Variants in GRID1 observed in about 807,000 individuals in gnomAD.
GRID1 encodes glutamate ionotropic receptor delta type subunit 1.
GRID1 carries 28 observed loss-of-function variants against 98.0 expected under a neutral mutation model. The ratio of observed to expected loss-of-function variants is 0.29; its 90% CI spans 0.21 to 0.39. The LOEUF (loss-of-function observed/expected upper bound fraction) is 0.39. GRID1 is among the 10% of genes least tolerant of loss of function. The probability of loss-of-function intolerance (pLI) is 1.00; values close to 1 mark genes in which losing one functional copy is unlikely to be tolerated. For missense variants in GRID1, 1,111 were observed against 1,340.5 expected (o/e 0.83, Z 2.67); for synonymous variants, 553 against 538.5 (o/e 1.03, Z -0.37).
intron 2 of GRID1, among the ~76,000 whole-genome samples, chr10:86,358,959 G>A (rs1848568041): frequency 6.6e-6 from 1 of 152,018 alleles, no homozygotes; most frequent in Non-Finnish European, 1.5e-5. Context: ...AAGGGCCAGG[G>A]GCTGAGGAAT....
Position 85,833,982 on chromosome 10 carries a change from T to C in GRID1, c.1233+20514A>G, listed in dbSNP as rs184137522. Among the ~76,000 whole-genome samples, 23 of 152,258 alleles carry C rather than the reference T, an allele frequency of 1.5e-4. No homozygotes were observed. In the East Asian group the frequency reaches 4.4e-3, roughly 29 times the overall value. On this transcript the variant is annotated intron_variant, in intron 8 of 15. Coordinates refer to ENST00000327946, the MANE Select transcript of GRID1 (RefSeq NM_017551.3). The stretch of plus-strand genomic sequence containing the variant: ...AGAAATGAACAGAGCCTCAAGGGTG[T>C]ATGGGACAATAACAAGAGATCCAAC...
At chr10:85,871,033 C>T (rs1357080385) in intron 5 of GRID1, among the ~76,000 whole-genome samples, 1 of 152,120 alleles carries the variant, frequency 6.6e-6, no homozygotes, top group East Asian at 1.9e-4. Context: ...TAGCTGTGTG[C>T]AACATGGGAA....
At chr10:86,076,075 C>T (rs1843876979) in intron 4 of GRID1, among the ~76,000 whole-genome samples, 1 of 152,330 alleles carries the variant, frequency 6.6e-6, no homozygotes, top group East Asian at 1.9e-4. Context: ...CAAATGGCCC[C>T]TATTTTCTGG....
intron 3 of GRID1, among the ~76,000 whole-genome samples, chr10:86,143,789 G>A (rs1447071496): frequency 6.6e-6 from 1 of 152,226 alleles, no homozygotes; most frequent in Non-Finnish European, 1.5e-5. Flanking sequence ...GCAGGGACAG[G>A]GAGGAGCTCC....
At chr10:85,603,430 C>T (rs1048522700) in intron 15 of GRID1, among the ~76,000 whole-genome samples, 1 of 152,200 alleles carries the variant, frequency 6.6e-6, no homozygotes, top group Non-Finnish European at 1.5e-5. Flanking sequence ...TCAAGGCTAT[C>T]TAAGTGGGTG....
chr10:85,739,302 G>A (rs778811465), intron 8 of GRID1, among the ~76,000 whole-genome samples: 20 of 152,022 alleles, frequency 1.3e-4, no homozygotes, highest in Non-Finnish European at 1.9e-4. Context: ...CATTATGGCC[G>A]GGCACAGTGG....
At chr10:85,753,500 C>T (rs1455082037) in intron 8 of GRID1, among the ~76,000 whole-genome samples, 2 of 152,162 alleles carry the variant, frequency 1.3e-5, no homozygotes, top group Non-Finnish European at 2.9e-5. Flanking sequence ...CCTGTGTCTT[C>T]CTACATGCCA....
chr10:85,844,083 AAG>A (rs1418431018), intron 8 of GRID1, among the ~76,000 whole-genome samples: 3 of 152,132 alleles, frequency 2.0e-5, no homozygotes, highest in Non-Finnish European at 4.4e-5. Flanking sequence ...TCAACTATAA[AAG>A]AGAGAAACTC....
At chr10:85,914,249 T>C (rs1186202334) in intron 5 of GRID1, among the ~76,000 whole-genome samples, 2 of 152,178 alleles carry the variant, frequency 1.3e-5, no homozygotes, top group African/African-American at 4.8e-5. Context: ...GAAAACAGGT[T>C]AGGAATGTAA....
At chr10:85,623,278 G>A (rs1842877137) in intron 13 of GRID1, among the ~76,000 whole-genome samples, 1 of 152,144 alleles carries the variant, frequency 6.6e-6, no homozygotes, top group Admixed American at 6.5e-5. Context: ...GGCTTCTTAG[G>A]TCTGACCATA....
intron 14 of GRID1, among the ~76,000 whole-genome samples, chr10:85,617,199 C>T (rs1842800138): frequency 1.3e-5 from 2 of 151,836 alleles, no homozygotes; most frequent in Middle Eastern, 3.4e-3. Context: ...AGGCAGCTCA[C>T]AGTTCTGCAT....
intron 12 of GRID1, among the ~76,000 whole-genome samples, chr10:85,676,461 C>T (rs1244070246): frequency 6.6e-6 from 1 of 152,204 alleles, no homozygotes; most frequent in Non-Finnish European, 1.5e-5. Flanking sequence ...CCCTGCCTCA[C>T]TCTATTTCCC....
intron 8 of GRID1, among the ~76,000 whole-genome samples, chr10:85,780,902 T>C (rs1040082366): frequency 6.6e-6 from 1 of 152,244 alleles, no homozygotes; most frequent in Admixed American, 6.5e-5. Context: ...CTATTATAAT[T>C]GCACAAGTGT....
intron 4 of GRID1, among the ~76,000 whole-genome samples, chr10:85,978,863 G>C (rs1014950982): frequency 1.3e-5 from 2 of 152,174 alleles, no homozygotes; most frequent in Admixed American, 6.5e-5. Flanking sequence ...CATCCTCCTG[G>C]AACGCTTACA....
chr10:85,894,104 C>A (rs1275861981), intron 5 of GRID1, among the ~76,000 whole-genome samples: 5 of 152,076 alleles, frequency 3.3e-5, no homozygotes, highest in Non-Finnish European at 7.4e-5. Context: ...ACTGCTGGGA[C>A]AATAGACAAT....
intron 14 of GRID1, among the ~76,000 whole-genome samples, chr10:85,614,802 G>A (rs1842770209): frequency 6.6e-6 from 1 of 152,178 alleles, no homozygotes; most frequent in African/African-American, 2.4e-5. Flanking sequence ...AACCCATGCT[G>A]CTTCTATACT....
intron 2 of GRID1, among the ~76,000 whole-genome samples, chr10:86,317,826 G>C (rs116428765): frequency 6.6e-6 from 1 of 152,036 alleles, no homozygotes; most frequent in Non-Finnish European, 1.5e-5. Flanking sequence ...TTGCAGCCTT[G>C]ACCTCCTAAG....
chr10:86,224,515 G>T (rs1846310130), intron 2 of GRID1, among the ~76,000 whole-genome samples: 1 of 152,164 alleles, frequency 6.6e-6, no homozygotes, highest in Non-Finnish European at 1.5e-5. Context: ...AGGTTCTCAT[G>T]GGGACTGGGC....
rs184995894 is a variant in GRID1, at chr10:86,130,624, C to T, written c.726+8195G>A. On this transcript the variant is annotated intron_variant, in intron 4 of 15. Transcript: ENST00000327946. ...AGAATTCCAGGGGAATATAGTCTTCCCACTCCAACCCCTTTCCAGCTCCCC... is the reference window on the plus strand; with the variant it reads ...AGAATTCCAGGGGAATATAGTCTTCTCACTCCAACCCCTTTCCAGCTCCCC... 3.9e-5 allele frequency among the ~76,000 whole-genome samples: 6 copies of T among 152,224 alleles called. No individual in the cohort carries two copies. The East Asian group carries it at 9.7e-4, about 24-fold the overall frequency.
Sources: allele counts gnomAD v4.1 joint callset (sites outside exome capture counted in the v4.1 genomes callset), GRCh38; gene constraint gnomAD v4.1.1; transcripts MANE v1.5; gene names NCBI Gene and HGNC (gene_info 2026-07-23, HGNC 2026-07-21).